C10orf67: variants seen among roughly 807,000 people sequenced by gnomAD.
C10orf67 encodes the protein uncharacterized protein C10orf67, mitochondrial.
A neutral mutation model predicts 35.6 loss-of-function variants in C10orf67; 60 were observed. The observed-to-expected ratio is 1.68, with a 90% CI of 1.37 to 2.09. The LOEUF (loss-of-function observed/expected upper bound fraction) is 2.09, where lower values mean the gene tolerates loss of function less well. Ranked by LOEUF, C10orf67 falls within the 30% of genes most tolerant of loss-of-function variation. The probability of loss-of-function intolerance (pLI) is 0.00; values close to 1 mark genes in which losing one functional copy is unlikely to be tolerated. For synonymous variants in C10orf67, 167 were observed against 115.8 expected (o/e 1.44, Z -2.84); for missense variants, 474 against 330.2 (o/e 1.44, Z -3.38).
intron 7 of C10orf67, 130 bp downstream of exon 7, chr10:23,289,770 G>A: frequency 1.7e-6 from 1 of 592,484 alleles, no homozygotes; most frequent in South Asian, 2.4e-5. Context: ...CCCAAATAGT[G>A]GGGAGAGATT....
chr10:23,235,521 A>C (rs908864715), intron 13 of C10orf67, among the ~76,000 whole-genome samples: 1 of 152,246 alleles, frequency 6.6e-6, no homozygotes, highest in Non-Finnish European at 1.5e-5. Flanking sequence ...AGGAATGGGC[A>C]GTTGTTTTTT....
chr10:23,324,956 C>G (rs1404783626), intron 2 of C10orf67, among the ~76,000 whole-genome samples: 1 of 151,892 alleles, frequency 6.6e-6, no homozygotes, highest in South Asian at 2.1e-4. Context: ...GTGAGAATAT[C>G]AAGACTTTGA....
intron 4 of C10orf67, among the ~76,000 whole-genome samples, chr10:23,314,719 CTTCAG>C (rs1373326346): frequency 2.0e-5 from 3 of 152,110 alleles, no homozygotes; most frequent in African/African-American, 7.2e-5. Context: ...GGACTAGAGG[CTTCAG>C]TTTCTTGCTG....
At chr10:23,318,170 A>AATG in intron 4 of C10orf67, 1 of 151,732 alleles carries the variant, frequency 6.6e-6, no homozygotes, top group East Asian at 1.9e-4. Flanking sequence ...AAACAAATTC[A>AATG]ATGAGTCGGG....
intron 8 of C10orf67, among the ~76,000 whole-genome samples, chr10:23,275,119 T>G (rs1262657699): frequency 6.6e-6 from 1 of 152,156 alleles, no homozygotes; most frequent in African/African-American, 2.4e-5. Context: ...TCTCTGAGGC[T>G]TAGGATTAAA....
intron 8 of C10orf67, among the ~76,000 whole-genome samples, chr10:23,280,620 T>C (rs960387906): frequency 6.6e-6 from 1 of 152,196 alleles, no homozygotes; most frequent in Non-Finnish European, 1.5e-5. Context: ...TCTTTCGCTG[T>C]CGTGGGGTTT....
chr10:23,273,900 TG>T (rs1843103120), intron 8 of C10orf67, among the ~76,000 whole-genome samples: 1 of 152,176 alleles, frequency 6.6e-6, no homozygotes, highest in Non-Finnish European at 1.5e-5. Context: ...TCACAGGTAT[TG>T]GGGGAACCAG....
intron 15 of C10orf67, among the ~76,000 whole-genome samples, chr10:23,220,895 A>C (rs551521249): frequency 6.6e-6 from 1 of 152,204 alleles, no homozygotes; most frequent in Non-Finnish European, 1.5e-5. Context: ...AGGATTCTGT[A>C]ACAGAAACGA....
At position 23,333,084 on chromosome 10, in the gene C10orf67, G is replaced by T; in HGVS notation, c.305C>A (p.Ser102Ter). 6.2e-7 allele frequency: 1 copy of T among 1,612,118 alleles called. No individual in the cohort carries two copies. Among genetic ancestry groups the T allele is most frequent in the South Asian group, 1.1e-5 (1 of 90,688 alleles). The change falls in exon 2 of 16, where the codon TCA becomes TAA. Residue 102 changes from serine to a stop codon, truncating the protein, a stop_gained. Transcript: ENST00000636213. LOFTEE classifies it high-confidence loss of function. The stretch of plus-strand genomic sequence containing the variant: ...TACCTGTGCTAACTTTTGCGTAGAT[G>T]AACTCAATTCTTTTACTGACAGTAT... ...SEILSVKELS[S>*]STQKLAQMMK...
chr10:23,288,417 A>T (rs192393177), intron 7 of C10orf67, among the ~76,000 whole-genome samples: 1 of 152,208 alleles, frequency 6.6e-6, no homozygotes, highest in Non-Finnish European at 1.5e-5. Context: ...GGAGTTGAAC[A>T]TTGAGAATAC....
intron 10 of C10orf67, among the ~76,000 whole-genome samples, chr10:23,256,676 T>C (rs1842611672): frequency 6.7e-6 from 1 of 150,190 alleles, no homozygotes; most frequent in African/African-American, 2.4e-5. Flanking sequence ...TTGCACTCAC[T>C]CACAAGTTTT....
intron 13 of C10orf67, among the ~76,000 whole-genome samples, chr10:23,234,300 A>T (rs1378975080): frequency 6.6e-6 from 1 of 152,236 alleles, no homozygotes; most frequent in East Asian, 1.9e-4. Flanking sequence ...TATACTGGAT[A>T]ATGAAAATGT....
chr10:23,221,678 G>A (rs11013332), intron 15 of C10orf67, among the ~76,000 whole-genome samples: 11 of 152,186 alleles, frequency 7.2e-5, no homozygotes, highest in South Asian at 2.1e-4. Flanking sequence ...GCCTGAATGC[G>A]TGAAATGCAA....
At chr10:23,308,679 A>G (rs1844380136) in intron 4 of C10orf67, among the ~76,000 whole-genome samples, 1 of 152,180 alleles carries the variant, frequency 6.6e-6, no homozygotes, top group Admixed American at 6.5e-5. Flanking sequence ...TCTGCAGACC[A>G]GCTCTGTCAG....
At chr10:23,249,891 G>A (rs1004628352) in intron 12 of C10orf67, among the ~76,000 whole-genome samples, 1 of 152,152 alleles carries the variant, frequency 6.6e-6, no homozygotes, top group Non-Finnish European at 1.5e-5. Flanking sequence ...ATGTTAACAT[G>A]TTAGGGTAAG....
chr10:23,306,077 C>CA (rs1265379115), intron 4 of C10orf67, among the ~76,000 whole-genome samples: 1 of 151,810 alleles, frequency 6.6e-6, no homozygotes, highest in Non-Finnish European at 1.5e-5. Flanking sequence ...ATTTTTCAGC[C>CA]ATAAAAAGAA....
chr10:23,223,725 A>G lies in C10orf67; in HGVS notation c.1509+19T>C. ...TATTAACTCAGTAAATATTTAATAA[A>G]GAAAAATAAGCTACTTACTGAAGAT... On this transcript the variant is annotated intron_variant, in intron 14 of 15. Coordinates refer to ENST00000636213, the MANE Select transcript of C10orf67 (RefSeq NM_001371909.1). The G allele has an allele frequency of 1.4e-6, 1 of 716,532 alleles. No individual in the cohort carries two copies. Among genetic ancestry groups the G allele is most frequent in the East Asian group, 2.7e-5 (1 of 37,276 alleles). 44.4% of individuals were successfully genotyped at this position (716,532 alleles called of 1,614,324 possible). A position where few individuals can be genotyped will look rare whatever the true frequency, so the allele number is the denominator to read the frequency against.
chr10:23,267,813 G>A (rs1263297085), intron 8 of C10orf67, among the ~76,000 whole-genome samples: 4 of 151,966 alleles, frequency 2.6e-5, no homozygotes, highest in Non-Finnish European at 5.9e-5. Context: ...GGCTGAGGCA[G>A]GAGAATCTAC....
intron 10 of C10orf67, among the ~76,000 whole-genome samples, chr10:23,254,794 A>G (rs1189671039): frequency 6.6e-6 from 1 of 152,038 alleles, no homozygotes; most frequent in Non-Finnish European, 1.5e-5. Flanking sequence ...ATACCCTCAC[A>G]TCTCTGTTTT....
Sources: allele counts gnomAD v4.1 joint callset (sites outside exome capture counted in the v4.1 genomes callset), GRCh38; gene constraint gnomAD v4.1.1; transcripts MANE v1.5; gene names NCBI Gene and HGNC (gene_info 2026-07-23, HGNC 2026-07-21).